Variants in FAM13A observed in about 807,000 individuals in gnomAD.
FAM13A encodes the protein family with sequence similarity 13 member A, also known as protein FAM13A.
A neutral mutation model predicts 129.6 loss-of-function variants in FAM13A; 76 were observed. The ratio of observed to expected loss-of-function variants is 0.59; its 90% confidence interval spans 0.49 to 0.71. The LOEUF (loss-of-function observed/expected upper bound fraction) is 0.71, where lower values mean the gene tolerates loss of function less well. Among genes scored for constraint, FAM13A ranks in the 30% least tolerant of loss-of-function variants. The pLI is 0.00. For synonymous variants in FAM13A, 443 were observed against 449.9 expected (o/e 0.98, Z 0.20); for missense variants, 1,108 against 1,249.3 (o/e 0.89, Z 1.70).
chr4:88,874,712 C>T (rs142866806), intron 6 of FAM13A, among the ~76,000 whole-genome samples: 16,079 of 152,040 alleles, frequency 0.11, 1,003 homozygotes, highest in Non-Finnish European at 0.14. Flanking sequence ...ATGGCCATAC[C>T]GCCCAAGGTA....
intron 6 of FAM13A, among the ~76,000 whole-genome samples, chr4:88,860,048 TATAAATC>T (rs2150027892): frequency 6.6e-6 from 1 of 152,326 alleles, no homozygotes; most frequent in South Asian, 2.1e-4. Flanking sequence ...GCAATGTACT[TATAAATC>T]ATATATTATA....
chr4:89,020,609 C>G lies in FAM13A; in HGVS notation c.278G>C (p.Arg93Pro). ...GGGCACTCCACTCTCGAACTTCAGTCGAAGTTGTTCCACCACCTTCACGTT... is the reference window on the plus strand; with the variant it reads ...GGGCACTCCACTCTCGAACTTCAGTGGAAGTTGTTCCACCACCTTCACGTT... ...NGNVKVVEQL[R>P]LKFESGVPVE... Residue 93 changes from arginine to proline, a missense_variant, in exon 3 of 24, where the codon CGA becomes CCA. Transcript: ENST00000264344. 1.2e-6 allele frequency: 2 copies of G among 1,614,106 alleles called. No individual in the cohort carries two copies. Among genetic ancestry groups the G allele is most frequent in the Non-Finnish European group, 8.5e-7 (1 of 1,180,002 alleles).
intron 7 of FAM13A, among the ~76,000 whole-genome samples, chr4:88,831,884 G>T (rs1381970892): frequency 1.5e-5 from 2 of 129,796 alleles, no homozygotes; most frequent in Non-Finnish European, 3.3e-5. Context: ...CACAGAATTA[G>T]AATTTTTTTT....
chr4:88,850,953 T>A (rs546495324), intron 7 of FAM13A, 67 bp downstream of exon 7: 2 of 1,402,334 alleles, frequency 1.4e-6, no homozygotes, highest in South Asian at 1.2e-5. Context: ...AATACCTACA[T>A]ATGCGGGCCT....
In FAM13A at chr4:88,834,476, AACTC is replaced by A. The variant is rs1183068213; in HGVS notation, c.1007+16540_1007+16543del. On this transcript the variant is annotated intron_variant, in intron 7 of 23. Transcript: ENST00000264344. ...GAATCCCCAAAAAAGCACTGAAATT[AACTC>A]ACTATTTAAATAAAGAAAATGCATT... 2.6e-5 allele frequency among the ~76,000 whole-genome samples: 4 copies of A among 152,198 alleles called. No homozygotes were observed. The East Asian group carries it at 7.7e-4, about 29-fold the overall frequency.
At chr4:88,859,718 G>T (rs1287164815) in intron 6 of FAM13A, among the ~76,000 whole-genome samples, 1 of 152,180 alleles carries the variant, frequency 6.6e-6, no homozygotes. Context: ...AGTTGCGTGG[G>T]TTTCACCAGC....
intron 4 of FAM13A, among the ~76,000 whole-genome samples, chr4:88,983,224 A>C (rs1428867601): frequency 6.6e-6 from 1 of 152,108 alleles, no homozygotes. Context: ...AACCCAACCT[A>C]TTATATCAAG....
intron 8 of FAM13A, among the ~76,000 whole-genome samples, chr4:88,798,624 G>A (rs1465507264): frequency 6.6e-6 from 1 of 152,112 alleles, no homozygotes; most frequent in African/African-American, 2.4e-5. Context: ...AGTCTGCAAG[G>A]TAAAAATATG....
At chr4:88,911,523 C>T (rs1749086433) in intron 5 of FAM13A, among the ~76,000 whole-genome samples, 1 of 152,190 alleles carries the variant, frequency 6.6e-6, no homozygotes, top group Non-Finnish European at 1.5e-5. Flanking sequence ...AAAACAGAAA[C>T]ATCGGAGCAG....
At chr4:88,747,955 T>G (rs1741721586) in intron 17 of FAM13A, 104 bp from the exon 18 acceptor site, 1 of 772,964 alleles carries the variant, frequency 1.3e-6, no homozygotes, top group East Asian at 2.7e-5. Flanking sequence ...AGTGGCACGA[T>G]CTCGGCTCAC....
At chr4:89,048,262 A>G (rs1471897198) in intron 1 of FAM13A, among the ~76,000 whole-genome samples, 1 of 152,218 alleles carries the variant, frequency 6.6e-6, no homozygotes, top group Non-Finnish European at 1.5e-5. Flanking sequence ...AATGAATAAA[A>G]TGTGATATAT....
chr4:88,970,720 T>A (rs1242210007), intron 4 of FAM13A, among the ~76,000 whole-genome samples: 2 of 152,100 alleles, frequency 1.3e-5, no homozygotes, highest in Admixed American at 6.5e-5. Context: ...ATTGAAATTT[T>A]AAAAAATTTC....
At chr4:88,855,747 C>T (rs1738376890) in intron 6 of FAM13A, 2 of 151,624 alleles carry the variant, frequency 1.3e-5, no homozygotes, top group Admixed American at 1.3e-4. Flanking sequence ...ACTAATTAAC[C>T]CTGATAAATT....
At chr4:88,757,974 C>T (rs1016328630) in intron 14 of FAM13A, among the ~76,000 whole-genome samples, 2 of 152,100 alleles carry the variant, frequency 1.3e-5, no homozygotes, top group Admixed American at 6.6e-5. Flanking sequence ...TCCTTGCAGC[C>T]GTCACGCACA....
intron 16 of FAM13A, among the ~76,000 whole-genome samples, 170 bp downstream of exon 16, chr4:88,749,601 T>C (rs1207479898): frequency 6.6e-6 from 1 of 152,186 alleles, no homozygotes; most frequent in Non-Finnish European, 1.5e-5. Context: ...AAAATGCTGA[T>C]ACATAATGAC....
chr4:88,870,257 C>A (rs1481064570), intron 6 of FAM13A, among the ~76,000 whole-genome samples: 1 of 152,180 alleles, frequency 6.6e-6, no homozygotes, highest in Non-Finnish European at 1.5e-5. Context: ...AACTGAGGTA[C>A]CTGGTTCATC....
Position 88,790,713 on chromosome 4 carries a change from A to G in FAM13A, c.1050-86T>C. ...ACATGTGAAGTGGATCGCAGGCTGA[A>G]AGAAATTAGCTCAGTCCCAAGTGAT... On this transcript the variant is annotated intron_variant, in intron 8 of 23. Transcript: ENST00000264344. 2.6e-6 allele frequency: 3 copies of G among 1,140,780 alleles called. No individual in the cohort carries two copies. In the African/African-American group the frequency reaches 4.6e-5, roughly 18 times the overall value. 70.7% of individuals were successfully genotyped at this position (1,140,780 alleles called of 1,614,324 possible).
intron 7 of FAM13A, among the ~76,000 whole-genome samples, chr4:88,824,463 A>G (rs1386116136): frequency 6.6e-6 from 1 of 152,208 alleles, no homozygotes. Context: ...TGTTTATGAA[A>G]ATAGATTTGC....
intron 6 of FAM13A, among the ~76,000 whole-genome samples, chr4:88,868,171 A>G (rs1365848014): frequency 6.6e-6 from 1 of 152,196 alleles, no homozygotes; most frequent in African/African-American, 2.4e-5. Flanking sequence ...GTCAAACTCT[A>G]TAATGAATAC....
Sources: gnomAD v4.1 joint callset for allele counts (sites outside exome capture counted in the v4.1 genomes callset) on GRCh38, gnomAD v4.1.1 for gene constraint, MANE v1.5 for transcripts, NCBI Gene and HGNC (gene_info 2026-07-23, HGNC 2026-07-21) for gene names.